GOLGA8B: variants seen among roughly 807,000 people sequenced by gnomAD.
The protein encoded by GOLGA8B is golgin subfamily A member 8B.
In GOLGA8B, 1 loss-of-function variant was observed where a neutral mutation model predicts 15.6. The ratio of observed to expected loss-of-function variants is 0.06; its 90% CI spans 0.02 to 0.30. The LOEUF is 0.30. Ranked by LOEUF, GOLGA8B falls within the 10% of genes least tolerant of loss-of-function variation. The probability of loss-of-function intolerance (pLI) is 1.00; values close to 1 mark genes in which losing one functional copy is unlikely to be tolerated. For synonymous variants in GOLGA8B, 9 were observed against 80.3 expected (o/e 0.11, Z 4.75); for missense variants, 17 against 201.3 (o/e 0.08, Z 5.54).
At chr15:34,576,289 G>A (rs2140355277) in intron 1 of GOLGA8B, among the ~76,000 whole-genome samples, 1 of 152,324 alleles carries the variant, frequency 6.6e-6, no homozygotes, top group African/African-American at 2.4e-5. Context: ...AACTGAAGTA[G>A]CACCAGTCCT....
chr15:34,568,160 T>A (rs1373056699), intron 1 of GOLGA8B, among the ~76,000 whole-genome samples: 1 of 149,154 alleles, frequency 6.7e-6, no homozygotes, highest in Admixed American at 6.7e-5. Context: ...GAGGCAAGGT[T>A]CCAGACAAAT....
chr15:34,583,485 G>A (rs941256003), intron 1 of GOLGA8B, 31 bp downstream of exon 1: 3 of 151,618 alleles, frequency 2.0e-5, no homozygotes, highest in African/African-American at 7.3e-5. Flanking sequence ...CCGCCGCCAG[G>A]GAGTCAGGCA....
Position 34,526,223 on chromosome 15 carries a change from A to C in GOLGA8B, c.*1409T>G, listed in dbSNP as rs992759966. On this transcript the variant is annotated 3_prime_UTR_variant, in exon 24 of 24. Transcript: ENST00000683415. The stretch of plus-strand genomic sequence containing the variant: ...TTCCTGATAATACATTGACATTCAC[A>C]AACAGTAGATTGCAGCACAGTGTGT... 6.7e-6 allele frequency: 1 copy of C among 150,230 alleles called. No homozygotes were observed. The highest frequency in any genetic ancestry group is 6.7e-5 in the Admixed American group (1 of 14,828). The allele number at this position is 150,230 out of a possible 1,614,324, so 9.3% of individuals were successfully genotyped here. A position where few individuals can be genotyped will look rare whatever the true frequency, so the allele number is the denominator to read the frequency against.
chr15:34,567,633 A>T (rs950586053), intron 1 of GOLGA8B, among the ~76,000 whole-genome samples: 1 of 151,846 alleles, frequency 6.6e-6, no homozygotes, highest in African/African-American at 2.4e-5. Flanking sequence ...TGTATAAAAG[A>T]CTGACTGTGG....
At chr15:34,579,336 A>G (rs149095905) in intron 1 of GOLGA8B, among the ~76,000 whole-genome samples, 2 of 152,132 alleles carry the variant, frequency 1.3e-5, no homozygotes, top group African/African-American at 4.8e-5. Context: ...AGAGCCCTGG[A>G]ACAGAGTCTG....
intron 1 of GOLGA8B, among the ~76,000 whole-genome samples, chr15:34,568,080 G>T (rs1379251870): frequency 6.6e-6 from 1 of 150,444 alleles, no homozygotes. Flanking sequence ...CTCCCACCAG[G>T]GCTGGGGACC....
intron 1 of GOLGA8B, among the ~76,000 whole-genome samples, chr15:34,561,404 C>T (rs1270286393): frequency 1.3e-5 from 2 of 149,322 alleles, no homozygotes; most frequent in African/African-American, 5.0e-5. Context: ...AGTTCCAGAA[C>T]ATTTTCACTG....
At chr15:34,550,892 G>A (rs553947123) in intron 4 of GOLGA8B, among the ~76,000 whole-genome samples, 1 of 115,474 alleles carries the variant, frequency 8.7e-6, no homozygotes, top group East Asian at 2.3e-4. Context: ...ACACTTGGGA[G>A]GGTGAGGCAG....
chr15:34,572,291 GC>G (rs1888937842), intron 1 of GOLGA8B, among the ~76,000 whole-genome samples: 1 of 152,200 alleles, frequency 6.6e-6, no homozygotes, highest in African/African-American at 2.4e-5. Context: ...AAACCATTCA[GC>G]CCCGCAAGTC....
intron 1 of GOLGA8B, among the ~76,000 whole-genome samples, chr15:34,571,167 A>C (rs1436181239): frequency 1.3e-5 from 2 of 151,958 alleles, no homozygotes; most frequent in Middle Eastern, 6.8e-3. Flanking sequence ...CTCTACAAAA[A>C]ACACAAAAAT....
chr15:34,550,777 T>C, intron 4 of GOLGA8B, among the ~76,000 whole-genome samples: 1 of 139,118 alleles, frequency 7.2e-6, no homozygotes, highest in East Asian at 2.0e-4. Flanking sequence ...GAGGATCGCG[T>C]GAACTCAGGT....
At chr15:34,575,404 G>A (rs560822126) in intron 1 of GOLGA8B, among the ~76,000 whole-genome samples, 62 of 151,594 alleles carry the variant, frequency 4.1e-4, no homozygotes, top group Non-Finnish European at 6.5e-4. Context: ...CTGTCCACTA[G>A]GGAAGCCAGC....
intron 1 of GOLGA8B, among the ~76,000 whole-genome samples, chr15:34,578,330 T>G (rs139187618): frequency 1.3e-5 from 2 of 152,356 alleles, no homozygotes; most frequent in African/African-American, 4.8e-5. Context: ...TCACGTCATC[T>G]GTGGCATTTC....
At chr15:34,564,383 T>G (rs1185243018) in intron 1 of GOLGA8B, among the ~76,000 whole-genome samples, 1 of 148,220 alleles carries the variant, frequency 6.7e-6, no homozygotes, top group Non-Finnish European at 1.5e-5. Flanking sequence ...AAAAAAGGAT[T>G]GCTTCATCTT....
At chr15:34,545,126 CG>C (rs1227790175) in intron 6 of GOLGA8B, among the ~76,000 whole-genome samples, 173 bp from the exon 7 acceptor site, 3 of 109,092 alleles carry the variant, frequency 2.7e-5, no homozygotes, top group African/African-American at 4.1e-5. Context: ...AAACAACAAA[CG>C]GATGTTGCAA....
At chr15:34,579,387 T>C (rs553381888) in intron 1 of GOLGA8B, among the ~76,000 whole-genome samples, 36 of 151,732 alleles carry the variant, frequency 2.4e-4, no homozygotes, top group African/African-American at 6.3e-4. Context: ...CCAGATGGAG[T>C]GGGAAGGGAA....
At chr15:34,568,097 A>G (rs528597081) in intron 1 of GOLGA8B, among the ~76,000 whole-genome samples, 4,464 of 150,340 alleles carry the variant, frequency 0.03, 239 homozygotes, top group African/African-American at 0.1. Flanking sequence ...GACCCTCAGG[A>G]AAGTCAGGTG....
chr15:34,532,868 A>C lies in GOLGA8B; in HGVS notation c.263T>G (p.Leu88Arg), dbSNP rs1404148995. 9 of 1,224,210 alleles carry C rather than the reference A, an allele frequency of 7.4e-6. 1 individual carries two copies. In the East Asian group the frequency reaches 2.5e-4, roughly 35 times the overall value. The allele number at this position is 1,224,210 out of a possible 1,614,324, so 75.8% of individuals were successfully genotyped here. ...TACCAAAGATTTGATGGTGTCATTC[A>C]GTCGACTGATTTTTATGGACCTCGA... ...LNSRSIKISR[L>R]NDTIKSLKQQ... Residue 88 changes from leucine to arginine, a missense_variant, in exon 11 of 24, where the codon CTG (leucine) becomes CGG (arginine). Physicochemically the swap from Leu to Arg is moderately radical, Grantham distance 102. This residue lies in a region of GOLGA8B where 5 missense variants were observed against 35.9 expected (regional missense o/e 0.14). Coordinates refer to ENST00000683415, the MANE Select transcript of GOLGA8B (RefSeq NM_001023567.5).
intron 1 of GOLGA8B, among the ~76,000 whole-genome samples, chr15:34,567,359 C>T (rs1165053739): frequency 6.6e-6 from 1 of 150,612 alleles, no homozygotes; most frequent in Non-Finnish European, 1.5e-5. Context: ...ACTGGGGCGC[C>T]CCCTTTGCCC....
Sources: allele counts gnomAD v4.1 joint callset (sites outside exome capture counted in the v4.1 genomes callset), GRCh38; gene constraint gnomAD v4.1.1; regional missense constraint gnomAD v4.1.1; transcripts MANE v1.5; gene names NCBI Gene and HGNC (gene_info 2026-07-23, HGNC 2026-07-21).